AOAH: variants seen among roughly 807,000 people sequenced by gnomAD.
The protein encoded by AOAH is acyloxyacyl hydrolase.
Under a neutral mutation model 92.2 loss-of-function variants are expected in AOAH, and 64 were observed. The observed-to-expected ratio is 0.69, with a 90% CI of 0.57 to 0.86. AOAH has a LOEUF of 0.86. Ranked by LOEUF, AOAH falls within the 40% of genes least tolerant of loss-of-function variation. The pLI, the probability that AOAH is intolerant of heterozygous loss-of-function variation, is 0.00. For missense variants in AOAH, 656 were observed against 694.6 expected (o/e 0.94, Z 0.62); for synonymous variants, 263 against 254.5 (o/e 1.03, Z -0.32).
At chr7:36,589,553 G>A (rs12671246) in intron 12 of AOAH, among the ~76,000 whole-genome samples, 35,595 of 152,098 alleles carry the variant, frequency 0.23, 5,174 homozygotes, top group African/African-American at 0.4. Context: ...ACCAAGTAGC[G>A]TCATAAAGTA....
chr7:36,543,457 T>A (rs1785559534), intron 15 of AOAH, among the ~76,000 whole-genome samples: 1 of 152,112 alleles, frequency 6.6e-6, no homozygotes, highest in African/African-American at 2.4e-5. Context: ...TGCCACACTT[T>A]TTTTTTTCCT....
Position 36,620,798 on chromosome 7 carries a change from T to G in AOAH, c.685A>C (p.Asn229His), listed in dbSNP as rs938305138. Residue 229 changes from asparagine (N) to histidine (H), a missense_variant, in exon 9 of 21, where the codon AAC becomes CAC. Asn to His is a moderately conservative substitution (Grantham distance 68). Transcript: ENST00000617537. The part of the protein sequence containing the change: ...PNNWDVHQDS[N>H]CNGIWGVDPK... ...TTGCTTACCCAAATGCCATTACAGTTTGAATCCTGATGGACATCCCAGTTG... is the reference window on the plus strand; with the variant it reads ...TTGCTTACCCAAATGCCATTACAGTGTGAATCCTGATGGACATCCCAGTTG... 1.7e-5 allele frequency: 27 copies of G among 1,613,804 alleles called. No homozygotes were observed. Among genetic ancestry groups the G allele is most frequent in the Non-Finnish European group, 2.3e-5 (27 of 1,179,914 alleles).
At chr7:36,621,641 A>G in intron 8 of AOAH, 69 bp downstream of exon 8, 1 of 1,423,090 alleles carries the variant, frequency 7.0e-7, no homozygotes, top group Non-Finnish European at 9.9e-7. Flanking sequence ...GGCTGGGGGA[A>G]GGAAATGTGC....
At chr7:36,536,511 G>A (rs1275240301) in intron 16 of AOAH, among the ~76,000 whole-genome samples, 6 of 152,056 alleles carry the variant, frequency 3.9e-5, no homozygotes, top group Admixed American at 6.5e-5. Context: ...CCCTGAGGCC[G>A]GCCCAGCATG....
At position 36,514,748 on chromosome 7, in the gene AOAH, G is replaced by A. The variant is rs1583697922; in HGVS notation, c.1600-1368C>T. 4.9e-6 allele frequency: 3 copies of A among 607,654 alleles called. No homozygotes were observed. The Admixed American group carries it at 8.3e-5, about 17-fold the overall frequency. The allele number at this position is 607,654 out of a possible 1,614,324, so 37.6% of individuals were successfully genotyped here. A position where few individuals can be genotyped will look rare whatever the true frequency, so the allele number is the denominator to read the frequency against. ...ACATTGTTCGGGAAGGATGCTCAGG[G>A]ATATCCCTGACTTTTCCCCACAGGG... On this transcript the variant is annotated intron_variant, in intron 20 of 20. Coordinates refer to ENST00000617537, the MANE Select transcript of AOAH (RefSeq NM_001637.4).
chr7:36,565,262 C>T (rs1465798891), intron 13 of AOAH, among the ~76,000 whole-genome samples: 1 of 134 alleles, frequency 7.5e-3, no homozygotes, highest in Non-Finnish European at 0.019. Context: ...CAGAAATGTC[C>T]TCATTGTTTG....
chr7:36,713,419 C>T (rs1011368286), intron 1 of AOAH, among the ~76,000 whole-genome samples: 12 of 152,106 alleles, frequency 7.9e-5, no homozygotes, highest in South Asian at 4.2e-4. Context: ...GACAGATCAA[C>T]GAGACAGAAA....
intron 3 of AOAH, among the ~76,000 whole-genome samples, chr7:36,671,489 G>T (rs567381993): frequency 1.5e-3 from 225 of 152,316 alleles, no homozygotes; most frequent in Non-Finnish European, 2.5e-3. Flanking sequence ...GGATAATTCA[G>T]TTACAAACAG....
chr7:36,647,071 G>T (rs73689510), intron 4 of AOAH, among the ~76,000 whole-genome samples: 452 of 152,284 alleles, frequency 3.0e-3, no homozygotes, highest in African/African-American at 0.01. Flanking sequence ...GGAAATTTCA[G>T]GGACTAGCAC....
intron 2 of AOAH, among the ~76,000 whole-genome samples, chr7:36,685,923 C>G (rs919174152): frequency 2.0e-5 from 3 of 152,036 alleles, no homozygotes; most frequent in Non-Finnish European, 4.4e-5. Flanking sequence ...GCTATTGGCA[C>G]AGCATACTGT....
At chr7:36,712,121 A>G (rs546801501) in intron 1 of AOAH, among the ~76,000 whole-genome samples, 2 of 152,352 alleles carry the variant, frequency 1.3e-5, no homozygotes, top group East Asian at 1.9e-4. Flanking sequence ...TCGTGATAAT[A>G]AATTTTCAAC....
At chr7:36,643,248 G>A (rs1794017579) in intron 4 of AOAH, among the ~76,000 whole-genome samples, 1 of 152,174 alleles carries the variant, frequency 6.6e-6, no homozygotes, top group South Asian at 2.1e-4. Context: ...AGGCCAGTCT[G>A]CAAGCACAGC....
At chr7:36,602,992 G>T (rs981189979) in intron 11 of AOAH, among the ~76,000 whole-genome samples, 2 of 152,120 alleles carry the variant, frequency 1.3e-5, no homozygotes, top group Admixed American at 1.3e-4. Flanking sequence ...TGCTGGCCCT[G>T]GGTGACTGCA....
chr7:36,536,170 C>T (rs1350448021), intron 16 of AOAH, among the ~76,000 whole-genome samples: 1 of 152,186 alleles, frequency 6.6e-6, no homozygotes, highest in African/African-American at 2.4e-5. Flanking sequence ...TCTAACCCTG[C>T]CTTCACTGGT....
intron 1 of AOAH, among the ~76,000 whole-genome samples, chr7:36,707,358 C>T (rs556685056): frequency 3.3e-5 from 5 of 151,902 alleles, no homozygotes; most frequent in South Asian, 2.1e-4. Context: ...CATGGCACCC[C>T]GAAACAATTA....
chr7:36,661,688 CA>C (rs1795221840), intron 3 of AOAH, among the ~76,000 whole-genome samples: 1 of 152,174 alleles, frequency 6.6e-6, no homozygotes, highest in African/African-American at 2.4e-5. Flanking sequence ...AAGCAGTTAA[CA>C]GCTCACACAT....
chr7:36,690,693 G>A (rs1436958783), intron 1 of AOAH, among the ~76,000 whole-genome samples: 1 of 152,160 alleles, frequency 6.6e-6, no homozygotes, highest in Admixed American at 6.5e-5. Context: ...GGGGGCGAGA[G>A]CTATGCATTT....
chr7:36,658,809 G>C (rs1795033936), intron 4 of AOAH, among the ~76,000 whole-genome samples: 1 of 152,144 alleles, frequency 6.6e-6, no homozygotes, highest in Non-Finnish European at 1.5e-5. Context: ...CTCATGGCAG[G>C]AAAGTCCTGG....
At position 36,614,931 on chromosome 7, in the gene AOAH, CAGG is replaced by C. The variant is rs1429461303; in HGVS notation, c.846+1446_846+1448del. On this transcript the variant is annotated intron_variant, in intron 11 of 20. Coordinates refer to ENST00000617537, the MANE Select transcript of AOAH (RefSeq NM_001637.4). The surrounding 1 kb of genome is among the most constrained non-coding windows in gnomAD (Gnocchi z 4.2). Reference sequence around the variant, plus strand: ...TACCTGGGGACCCATGGAACACTGGCAGGAGGAGGAACCCAGCAGCTCTCAGGC... The same window carrying C: ...TACCTGGGGACCCATGGAACACTGGCAGGAGGAACCCAGCAGCTCTCAGGC... Among the ~76,000 whole-genome samples the C allele has an allele frequency of 1.3e-5, 2 of 152,170 alleles. No individual in the cohort carries two copies.
Sources: gnomAD v4.1 joint callset for allele counts (sites outside exome capture counted in the v4.1 genomes callset) on GRCh38, gnomAD v4.1.1 for gene constraint, Gnocchi (gnomAD v3.1) non-coding constraint, MANE v1.5 for transcripts, NCBI Gene and HGNC (gene_info 2026-07-23, HGNC 2026-07-21) for gene names.